ERG: variants seen among roughly 807,000 people sequenced by gnomAD.
ERG encodes the protein ETS transcription factor ERG, also known as transcriptional regulator ERG.
Under a neutral mutation model 55.3 loss-of-function variants are expected in ERG, and 9 were observed. The observed-to-expected ratio is 0.16, with a 90% CI of 0.10 to 0.28. The LOEUF is 0.28. Among genes scored for constraint, ERG ranks in the 10% least tolerant of loss-of-function variants. ERG has a pLI of 1.00. For missense variants in ERG, 434 were observed against 631.6 expected, an observed-to-expected ratio of 0.69 and a Z score of 3.35; for synonymous variants, 223 against 237.3, an observed-to-expected ratio of 0.94 and a Z score of 0.55.
intron 1 of ERG, among the ~76,000 whole-genome samples, chr21:38,635,780 G>A (rs459094): frequency 1.3e-5 from 2 of 151,968 alleles, no homozygotes; most frequent in East Asian, 1.9e-4. Context: ...GCAGCAGTCC[G>A]CCACTATTAC....
At chr21:38,417,367 A>T (rs895558809) in intron 3 of ERG, among the ~76,000 whole-genome samples, 4 of 152,246 alleles carry the variant, frequency 2.6e-5, no homozygotes, top group Admixed American at 2.6e-4. Flanking sequence ...GAAGAGAAGA[A>T]TGTGGCTACT....
chr21:38,585,903 A>G (rs1366561985), upstream of ERG, among the ~76,000 whole-genome samples: 1 of 151,748 alleles, frequency 6.6e-6, no homozygotes, highest in African/African-American at 2.4e-5. Flanking sequence ...ACTGGGGGAA[A>G]AAAATCAGGG....
chr21:38,397,915 G>A (rs1988307308), intron 6 of ERG, among the ~76,000 whole-genome samples: 1 of 152,276 alleles, frequency 6.6e-6, no homozygotes, highest in Admixed American at 6.5e-5. Flanking sequence ...CTAGGAGCCT[G>A]GCTTGCTTCA....
intron 1 of ERG, among the ~76,000 whole-genome samples, chr21:38,493,350 G>C (rs887731647): frequency 1.1e-4 from 17 of 152,158 alleles, no homozygotes; most frequent in Non-Finnish European, 1.8e-4. Flanking sequence ...GAAAATGCTT[G>C]TAAAACAATG....
chr21:38,378,479 T>C (rs1987301794), downstream of ERG, among the ~76,000 whole-genome samples: 1 of 152,250 alleles, frequency 6.6e-6, no homozygotes, highest in Non-Finnish European at 1.5e-5. Context: ...TGGATGTTCA[T>C]TCATGCATAT....
At chr21:38,419,370 G>C (rs1299674652) in intron 3 of ERG, among the ~76,000 whole-genome samples, 2 of 152,192 alleles carry the variant, frequency 1.3e-5, no homozygotes, top group African/African-American at 2.4e-5. Context: ...AGAATTAATA[G>C]CTGGACCATC....
rs151141572 is a variant in ERG, at chr21:38,387,546, G to A, written c.919+3449C>T. On this transcript the variant is annotated intron_variant, in intron 9 of 9. Transcript: ENST00000288319. ...CAGTATCGTCATCTGTAAAGTGGGG[G>A]TGATGGTAATAGTACTATCTTGCAA... is the stretch of plus-strand genomic sequence containing the variant. 3.2e-3 allele frequency among the ~76,000 whole-genome samples: 488 copies of A among 152,306 alleles called. 1 individual carries two copies. The highest frequency in any genetic ancestry group is 0.011 in the African/African-American group (470 of 41,570).
intron 2 of ERG, among the ~76,000 whole-genome samples, chr21:38,441,070 C>T (rs2146545440): frequency 6.6e-6 from 1 of 152,294 alleles, no homozygotes; most frequent in East Asian, 1.9e-4. Flanking sequence ...CACGCCACCC[C>T]CTTTACCACC....
chr21:38,551,888 T>C (rs1010729611), intron 2 of ERG, among the ~76,000 whole-genome samples: 3 of 152,134 alleles, frequency 2.0e-5, no homozygotes, highest in African/African-American at 7.2e-5. Flanking sequence ...AGGTCTCAAA[T>C]ATGTTAAGTT....
At chr21:38,450,335 G>C (rs1043415100) in intron 1 of ERG, among the ~76,000 whole-genome samples, 5 of 151,982 alleles carry the variant, frequency 3.3e-5, no homozygotes, top group East Asian at 1.9e-4. Flanking sequence ...CCGGGATCAC[G>C]CGACTGCACT....
chr21:38,652,482 A>G (rs1169549837), intron 1 of ERG, among the ~76,000 whole-genome samples: 1 of 152,250 alleles, frequency 6.6e-6, no homozygotes, highest in Non-Finnish European at 1.5e-5. Context: ...AAAATAAAAA[A>G]TAAAGATGAA....
In ERG at chr21:38,554,254, CTG is replaced by C. The variant is rs552969263; in HGVS notation, c.-41+21406_-41+21407del. Among the ~76,000 whole-genome samples, 32 of 152,298 alleles carry C rather than the reference CTG, an allele frequency of 2.1e-4. No homozygotes were observed. The East Asian group carries it at 6.0e-3, about 28-fold the overall frequency. ...GTGTGAATGTAAATTAGTTCAGACA[CTG>C]TGGAAAGCAGTTTGGAGATTTCCCA... On this transcript the variant is annotated intron_variant, in intron 2 of 8. Coordinates refer to the ERG transcript ENST00000398897.
intron 1 of ERG, among the ~76,000 whole-genome samples, chr21:38,577,858 G>A (rs2060004291): frequency 2.0e-5 from 3 of 152,304 alleles, no homozygotes; most frequent in South Asian, 4.1e-4. Flanking sequence ...GCACACACAT[G>A]CTGACGCTCA....
At chr21:38,429,857 G>A (rs1346209649) in intron 2 of ERG, among the ~76,000 whole-genome samples, 5 of 152,104 alleles carry the variant, frequency 3.3e-5, no homozygotes, top group Non-Finnish European at 5.9e-5. Context: ...ACATGCATGC[G>A]CAAGTGTCTT....
At chr21:38,544,826 A>C (rs1448561535) in intron 2 of ERG, among the ~76,000 whole-genome samples, 1 of 152,024 alleles carries the variant, frequency 6.6e-6, no homozygotes, top group African/African-American at 2.4e-5. Context: ...GATGCTCATG[A>C]AGCTCTCTCC....
intron 1 of ERG, among the ~76,000 whole-genome samples, chr21:38,649,859 T>TA (rs1351476366): frequency 6.6e-6 from 1 of 152,252 alleles, no homozygotes; most frequent in Non-Finnish European, 1.5e-5. Context: ...CATTTGTCCT[T>TA]ACGTGACCCT....
At chr21:38,456,136 G>A (rs1297133709) in intron 1 of ERG, among the ~76,000 whole-genome samples, 1 of 152,230 alleles carries the variant, frequency 6.6e-6, no homozygotes, top group East Asian at 1.9e-4. Context: ...TAGCCAGGCT[G>A]CAGTCTCTAC....
chr21:38,427,843 G>A (rs915412975), intron 2 of ERG, among the ~76,000 whole-genome samples: 1 of 152,120 alleles, frequency 6.6e-6, no homozygotes, highest in Non-Finnish European at 1.5e-5. Flanking sequence ...AAATAAGAAA[G>A]AGGAGTGATT....
At chr21:38,586,012 C>T (rs1156512066), upstream of ERG, among the ~76,000 whole-genome samples, 1 of 151,676 alleles carries the variant, frequency 6.6e-6, no homozygotes, top group Admixed American at 6.6e-5. Flanking sequence ...AAGAGGATGA[C>T]CTGAGAAAAG....
Sources: gnomAD v4.1 joint callset for allele counts (sites outside exome capture counted in the v4.1 genomes callset) on GRCh38, gnomAD v4.1.1 for gene constraint, MANE v1.5 for transcripts, NCBI Gene and HGNC (gene_info 2026-07-23, HGNC 2026-07-21) for gene names.